Variants in FARS2 observed in about 807,000 individuals in gnomAD.
FARS2 encodes the protein phenylalanine--tRNA ligase, mitochondrial.
FARS2 carries 40 observed loss-of-function variants against 46.4 expected under a neutral mutation model. That is an observed-to-expected ratio of 0.86 (90% CI 0.67 to 1.12). FARS2 has a LOEUF of 1.12. FARS2 is among the 50% of genes most tolerant of loss of function. The pLI is 0.00. For missense variants in FARS2, 513 were observed against 567.9 expected (o/e 0.90, Z 0.98); for synonymous variants, 234 against 214.9 (o/e 1.09, Z -0.78).
At chr6:5,312,738 G>A (rs1455742363) in intron 1 of FARS2, among the ~76,000 whole-genome samples, 2 of 152,200 alleles carry the variant, frequency 1.3e-5, no homozygotes, top group African/African-American at 4.8e-5. Flanking sequence ...ACTCAAATAA[G>A]AATTTGAGTG....
chr6:5,750,692 C>T (rs967738412), intron 6 of FARS2, among the ~76,000 whole-genome samples: 3 of 151,826 alleles, frequency 2.0e-5, no homozygotes, highest in African/African-American at 7.3e-5. Flanking sequence ...CAGAAGAGAA[C>T]GAACAGGATT....
chr6:5,455,348 T>C (rs923561018), intron 4 of FARS2, among the ~76,000 whole-genome samples: 3 of 152,190 alleles, frequency 2.0e-5, no homozygotes, highest in African/African-American at 7.2e-5. Context: ...AGCTTGGGTA[T>C]GTGTTAGTCT....
chr6:5,432,325 AAAATATATATAT>A (rs1411587313), intron 4 of FARS2, among the ~76,000 whole-genome samples: 1 of 47,314 alleles, frequency 2.1e-5, no homozygotes, highest in Non-Finnish European at 4.4e-5. Context: ...AAAAAAAAAA[AAAATATATATAT>A]ATATATATAT....
chr6:5,622,806 C>T (rs549532784), intron 6 of FARS2, among the ~76,000 whole-genome samples: 1 of 152,322 alleles, frequency 6.6e-6, no homozygotes, highest in Non-Finnish European at 1.5e-5. Context: ...ATCTAAGCTA[C>T]TTTGTATAGT....
intron 2 of FARS2, chr6:5,371,044 C>A: frequency 4.4e-6 from 1 of 228,382 alleles, no homozygotes; most frequent in Non-Finnish European, 7.3e-6. Context: ...CAGTTAGTAA[C>A]ATGCCTAGAA....
At chr6:5,276,803 G>C (rs375430292) in intron 1 of FARS2, among the ~76,000 whole-genome samples, 2 of 152,208 alleles carry the variant, frequency 1.3e-5, no homozygotes, top group Admixed American at 6.5e-5. Context: ...CATCCAGGAG[G>C]AGGGCATGTT....
At chr6:5,555,849 T>G (rs1337452719) in intron 5 of FARS2, among the ~76,000 whole-genome samples, 2 of 152,162 alleles carry the variant, frequency 1.3e-5, no homozygotes, top group African/African-American at 4.8e-5. Context: ...GAACCTTTTA[T>G]ATGTATTCAG....
chr6:5,467,124 G>T, intron 4 of FARS2: 3 of 977,124 alleles, frequency 3.1e-6, no homozygotes, highest in Non-Finnish European at 3.6e-6. Flanking sequence ...CCATTTTTAA[G>T]AATTAGTTTG....
chr6:5,706,106 T>C (rs1169957815), intron 6 of FARS2, among the ~76,000 whole-genome samples: 1 of 152,152 alleles, frequency 6.6e-6, no homozygotes, highest in African/African-American at 2.4e-5. Context: ...CCTCAGATCA[T>C]CAGGCATCAG....
chr6:5,392,223 G>A (rs1383292372), intron 2 of FARS2, among the ~76,000 whole-genome samples: 1 of 152,082 alleles, frequency 6.6e-6, no homozygotes, highest in Non-Finnish European at 1.5e-5. Flanking sequence ...TATGGCATTG[G>A]TTAATGGACT....
At chr6:5,282,282 C>A (rs560775669) in intron 1 of FARS2, among the ~76,000 whole-genome samples, 1 of 152,178 alleles carries the variant, frequency 6.6e-6, no homozygotes, top group African/African-American at 2.4e-5. Context: ...CTATCATTGC[C>A]GTGGCTGCTT....
intron 1 of FARS2, among the ~76,000 whole-genome samples, chr6:5,348,159 T>C (rs985602352): frequency 3.3e-5 from 5 of 152,202 alleles, no homozygotes; most frequent in African/African-American, 9.6e-5. Flanking sequence ...AAATGTAAGA[T>C]TTTAGTTTTC....
chr6:5,633,223 T>A (rs963728403), intron 6 of FARS2, among the ~76,000 whole-genome samples: 2 of 146,524 alleles, frequency 1.4e-5, no homozygotes, highest in Admixed American at 6.9e-5. Context: ...CTCAACCTCC[T>A]GAGTAACAAG....
chr6:5,282,786 A>G (rs578049813), intron 1 of FARS2, among the ~76,000 whole-genome samples: 1 of 152,344 alleles, frequency 6.6e-6, no homozygotes, highest in African/African-American at 2.4e-5. Flanking sequence ...TTAATTCTCC[A>G]GGAGGAAGAT....
intron 6 of FARS2, among the ~76,000 whole-genome samples, chr6:5,728,210 CG>C (rs2150932044): frequency 6.6e-6 from 1 of 152,172 alleles, no homozygotes; most frequent in East Asian, 1.9e-4. Context: ...GGAATTAGGC[CG>C]GGCCTGCAAT....
chr6:5,601,516 C>A, intron 5 of FARS2, among the ~76,000 whole-genome samples: 1 of 94,758 alleles, frequency 1.1e-5, no homozygotes. Context: ...GAGAGTGAAA[C>A]TCCATCACAA....
chr6:5,264,568 G>A (rs1260106947), intron 1 of FARS2, among the ~76,000 whole-genome samples: 1 of 151,252 alleles, frequency 6.6e-6, no homozygotes, highest in African/African-American at 2.4e-5. Flanking sequence ...ATCTCGTCCG[G>A]CTAATTTTTT....
rs374972211 is a variant in FARS2 at position 5,531,058 on chromosome 6, T to A, written c.905-14122T>A. Among the ~76,000 whole-genome samples, 13 of 152,204 alleles carry A rather than the reference T, an allele frequency of 8.5e-5. No homozygotes were observed. In the East Asian group the frequency reaches 2.5e-3, roughly 29 times the overall value. ...CAGCTCCAGGCATTATATTCTTGAG[T>A]GATAGCATCTGATGTGGGAAGAAAG... is the stretch of plus-strand genomic sequence containing the variant. On this transcript the variant is annotated intron_variant, in intron 4 of 6. Coordinates refer to ENST00000274680, the MANE Select transcript of FARS2 (RefSeq NM_006567.5).
chr6:5,444,785 C>CG (rs57065450), intron 4 of FARS2, among the ~76,000 whole-genome samples: 2 of 28,356 alleles, frequency 7.1e-5, no homozygotes, highest in African/African-American at 1.0e-4. Context: ...TAAAATGGGG[C>CG]GGGGGGGAAC....
Sources: gnomAD v4.1 joint callset for allele counts (sites outside exome capture counted in the v4.1 genomes callset) on GRCh38, gnomAD v4.1.1 for gene constraint, MANE v1.5 for transcripts, NCBI Gene and HGNC (gene_info 2026-07-23, HGNC 2026-07-21) for gene names.